The following LRRC8D variants were observed in gnomAD, a reference collection of about 807,000 sequenced individuals.
LRRC8D encodes volume-regulated anion channel subunit LRRC8D.
Under a neutral mutation model 55.8 loss-of-function variants are expected in LRRC8D, and 20 were observed. The ratio of observed to expected loss-of-function variants is 0.36; its 90% CI spans 0.25 to 0.52. The LOEUF (loss-of-function observed/expected upper bound fraction) is 0.52. Ranked by LOEUF, LRRC8D falls within the 20% of genes least tolerant of loss-of-function variation. The pLI is 0.93. For synonymous variants in LRRC8D, 352 were observed against 377.0 expected, an observed-to-expected ratio of 0.93 and a Z score of 0.77; for missense variants, 651 against 1,030.8, an observed-to-expected ratio of 0.63 and a Z score of 5.05.
Position 89,933,190 on chromosome 1 carries a change from T to G in LRRC8D, c.122T>G (p.Phe41Cys). 1.2e-6 allele frequency: 2 copies of G among 1,614,236 alleles called. No homozygotes were observed. The highest frequency in any genetic ancestry group is 1.1e-5 in the South Asian group (1 of 91,086). The change falls in exon 3 of 3, where the codon TTT (phenylalanine) becomes TGT (cysteine). Residue 41 changes from phenylalanine (F) to cysteine (C), a missense_variant. Around this residue, in one of 5 missense-constraint regions of LRRC8D, gnomAD observed 118 missense variants for 138.0 expected, o/e 0.85. Transcript: ENST00000337338. The surrounding 1 kb of genome is among the most constrained non-coding windows in gnomAD (Gnocchi z 7.0). ...LAVVMLMVAI[F>C]AGTMQLTKDQ... ...GTTGTTATGTTAATGGTAGCCATCT[T>G]TGCAGGAACCATGCAACTTACCAAA...
chr1:89,824,338 C>T (rs1479284858), intron 1 of LRRC8D, among the ~76,000 whole-genome samples: 1 of 152,026 alleles, frequency 6.6e-6, no homozygotes, highest in Non-Finnish European at 1.5e-5. Flanking sequence ...CTGGGCAAAT[C>T]CTTATTGAAA....
intron 2 of LRRC8D, among the ~76,000 whole-genome samples, chr1:89,931,003 A>ATT (rs56714673): frequency 0.013 from 1,583 of 120,868 alleles, 43 homozygotes; most frequent in African/African-American, 0.041. Flanking sequence ...TTCCTTGGTA[A>ATT]TTTTTTTTTT....
At chr1:89,847,694 C>G (rs1361407077) in intron 2 of LRRC8D, among the ~76,000 whole-genome samples, 1 of 152,174 alleles carries the variant, frequency 6.6e-6, no homozygotes, top group East Asian at 1.9e-4. Flanking sequence ...AAATTGTAAA[C>G]TGTAATGCAG....
In LRRC8D at chr1:89,915,015, ACT is replaced by A. The variant is rs201140619; in HGVS notation, c.-2-18051_-2-18050del. Among the ~76,000 whole-genome samples, 252 of 136,580 alleles carry A rather than the reference ACT, an allele frequency of 1.8e-3. 4 individuals are homozygous for A. The highest frequency in any genetic ancestry group is 4.5e-4 in the Non-Finnish European group (28 of 62,520). The allele number at this position is 136,580 out of a possible 152,430, so 89.6% of individuals were successfully genotyped here. On this transcript the variant is annotated intron_variant, in intron 2 of 2. Coordinates refer to ENST00000337338, the MANE Select transcript of LRRC8D (RefSeq NM_001134479.2). ...GCAAGGACTCTATCTATCTTGCTCT[ACT>A]GTGTGTGTGTGTGTGTGTGTGTGTG...
At chr1:89,916,411 C>T (rs1031134072) in intron 2 of LRRC8D, among the ~76,000 whole-genome samples, 7 of 152,124 alleles carry the variant, frequency 4.6e-5, no homozygotes, top group Non-Finnish European at 7.4e-5. Context: ...TATATTTAGC[C>T]AAATTTACCA....
chr1:89,848,426 G>A (rs984913001), intron 2 of LRRC8D, among the ~76,000 whole-genome samples: 7 of 152,066 alleles, frequency 4.6e-5, no homozygotes, highest in Non-Finnish European at 7.4e-5. Flanking sequence ...GTTCTGCAGT[G>A]GGAAAAACTG....
At chr1:89,882,361 C>T (rs781561131) in intron 2 of LRRC8D, among the ~76,000 whole-genome samples, 17 of 152,214 alleles carry the variant, frequency 1.1e-4, no homozygotes, top group African/African-American at 1.7e-4. Context: ...TTAAGTACTA[C>T]GTGCTGTGCA....
At chr1:89,862,512 T>C (rs1223748950) in intron 2 of LRRC8D, among the ~76,000 whole-genome samples, 1 of 152,234 alleles carries the variant, frequency 6.6e-6, no homozygotes, top group Non-Finnish European at 1.5e-5. Flanking sequence ...AGGCCAGTCT[T>C]TGGACAGTTT....
At chr1:89,889,580 TAA>T (rs58885629) in intron 2 of LRRC8D, among the ~76,000 whole-genome samples, 14 of 142,636 alleles carry the variant, frequency 9.8e-5, no homozygotes, top group Admixed American at 1.4e-4. Context: ...AATGTTTGTT[TAA>T]AAAAAAAAAA....
intron 2 of LRRC8D, among the ~76,000 whole-genome samples, chr1:89,869,085 T>G (rs953954316): frequency 6.6e-6 from 1 of 152,114 alleles, no homozygotes; most frequent in Non-Finnish European, 1.5e-5. Flanking sequence ...TTTTGTACTT[T>G]TAGCAGAGAT....
At chr1:89,837,140 G>A (rs1661021149) in intron 1 of LRRC8D, among the ~76,000 whole-genome samples, 1 of 152,222 alleles carries the variant, frequency 6.6e-6, no homozygotes, top group Non-Finnish European at 1.5e-5. Context: ...CAGTTGTGCT[G>A]TAGCCAGGCA....
intron 2 of LRRC8D, among the ~76,000 whole-genome samples, chr1:89,870,006 G>T (rs938476009): frequency 2.0e-5 from 3 of 152,004 alleles, no homozygotes; most frequent in African/African-American, 7.3e-5. Context: ...TACTCAGGAG[G>T]CTGAGGCAGG....
At chr1:89,925,805 A>G (rs1401328398) in intron 2 of LRRC8D, among the ~76,000 whole-genome samples, 1 of 152,234 alleles carries the variant, frequency 6.6e-6, no homozygotes, top group Non-Finnish European at 1.5e-5. Flanking sequence ...GTAAAATGGT[A>G]TAACAGATGC....
At chr1:89,868,790 C>T (rs1661919552) in intron 2 of LRRC8D, among the ~76,000 whole-genome samples, 1 of 152,234 alleles carries the variant, frequency 6.6e-6, no homozygotes, top group African/African-American at 2.4e-5. Context: ...TCAGTGCTCT[C>T]AACCACTGAA....
intron 2 of LRRC8D, among the ~76,000 whole-genome samples, chr1:89,907,372 G>C (rs374045936): frequency 5.3e-5 from 8 of 151,852 alleles, no homozygotes; most frequent in African/African-American, 1.9e-4. Flanking sequence ...TGTATATTTA[G>C]TAGAGACGGG....
chr1:89,834,336 C>T (rs115479794), intron 1 of LRRC8D, among the ~76,000 whole-genome samples: 160 of 152,342 alleles, frequency 1.1e-3, no homozygotes, highest in African/African-American at 3.3e-3. Flanking sequence ...ATATTAACAA[C>T]GGCTATCATG....
intron 2 of LRRC8D, among the ~76,000 whole-genome samples, chr1:89,861,525 C>T (rs1378545381): frequency 6.6e-6 from 1 of 152,120 alleles, no homozygotes; most frequent in Admixed American, 6.6e-5. Context: ...TGCCTTAGGG[C>T]CTACTAGTGG....
At chr1:89,891,143 G>A (rs950762682) in intron 2 of LRRC8D, among the ~76,000 whole-genome samples, 2 of 152,178 alleles carry the variant, frequency 1.3e-5, no homozygotes, top group African/African-American at 4.8e-5. Flanking sequence ...GCCTCCCAAA[G>A]GGCTGGGATT....
chr1:89,853,850 G>C (rs541495269), intron 2 of LRRC8D, among the ~76,000 whole-genome samples: 1 of 152,322 alleles, frequency 6.6e-6, no homozygotes, highest in South Asian at 2.1e-4. Context: ...CAAATGGAGA[G>C]ACAGCGAGAG....
Sources: allele counts gnomAD v4.1 joint callset (sites outside exome capture counted in the v4.1 genomes callset), GRCh38; gene constraint gnomAD v4.1.1; regional missense constraint gnomAD v4.1.1; non-coding constraint Gnocchi (gnomAD v3.1); transcripts MANE v1.5; gene names NCBI Gene and HGNC (gene_info 2026-07-23, HGNC 2026-07-21).